Variants in RSPH10B2 observed in about 807,000 individuals in gnomAD.
The protein encoded by RSPH10B2 is radial spoke head 10 homolog B2.
RSPH10B2 carries 9 observed loss-of-function variants against 49.0 expected under a neutral mutation model. The ratio of observed to expected loss-of-function variants is 0.18; its 90% CI spans 0.11 to 0.32. The LOEUF is 0.32. Ranked by LOEUF, RSPH10B2 falls within the 10% of genes least tolerant of loss-of-function variation. The pLI, the probability that RSPH10B2 is intolerant of heterozygous loss-of-function variation, is 1.00. For missense variants in RSPH10B2, 95 were observed against 589.9 expected, an observed-to-expected ratio of 0.16 and a Z score of 8.69; for synonymous variants, 35 against 210.2, an observed-to-expected ratio of 0.17 and a Z score of 7.21.
At chr7:6,774,755 G>GTTTTTT (rs1359670506) in intron 9 of RSPH10B2, among the ~76,000 whole-genome samples, 1 of 122,086 alleles carries the variant, frequency 8.2e-6, no homozygotes. Context: ...CTTTTTTTTT[G>GTTTTTT]TTTTTTTTTT....
Position 6,793,063 on chromosome 7 carries a change from ATTTTTTTT to A in RSPH10B2, c.2233+1083_2233+1090del, listed in dbSNP as rs778318872. ...GGTGTGAGCCCACCCGCCCCTGGGC[ATTTTTTTT>A]TTTTTTTTTTTTTTTTAAAGAGGTG... is the stretch of plus-strand genomic sequence containing the variant. On this transcript the variant is annotated intron_variant, in intron 17 of 18. Coordinates refer to ENST00000297186, the Ensembl canonical transcript of RSPH10B2. Among the ~76,000 whole-genome samples, 10 of 64,832 alleles carry A rather than the reference ATTTTTTTT, an allele frequency of 1.5e-4. 1 individual carries two copies. Among genetic ancestry groups the A allele is most frequent in the Non-Finnish European group, 2.2e-4 (8 of 36,180 alleles). 42.5% of individuals were successfully genotyped at this position (64,832 alleles called of 152,430 possible).
chr7:6,786,349 A>ATTT (rs750188511), intron 14 of RSPH10B2, among the ~76,000 whole-genome samples: 5 of 105,162 alleles, frequency 4.8e-5, no homozygotes. Flanking sequence ...CGCCCGGCTA[A>ATTT]TTTTTTTTTT....
chr7:6,791,382 G>A (rs1180403810), intron 16 of RSPH10B2, among the ~76,000 whole-genome samples: 1 of 147,038 alleles, frequency 6.8e-6, no homozygotes, highest in Admixed American at 6.8e-5. Flanking sequence ...TTTTTTGAGA[G>A]GCTTTCAGTA....
Position 6,798,351 on chromosome 7 carries a change from G to C in RSPH10B2, c.2433-12G>C. ...ATAAAAAAAGCTACCACCTTCTCAT[G>C]TTTGCTTTTAGGCTGAACATCTTTA... On this transcript the variant is annotated splice_polypyrimidine_tract_variant and intron_variant, in intron 18 of 18. Coordinates refer to ENST00000297186, the Ensembl canonical transcript of RSPH10B2. 1.6e-6 allele frequency: 2 copies of C among 1,249,500 alleles called. 1 individual carries two copies. Among genetic ancestry groups the C allele is most frequent in the Non-Finnish European group, 2.1e-6 (2 of 974,656 alleles). The allele number at this position is 1,249,500 out of a possible 1,614,324, so 77.4% of individuals were successfully genotyped here.
intron 17 of RSPH10B2, among the ~76,000 whole-genome samples, chr7:6,795,806 G>A (rs370286676): frequency 1.4e-5 from 2 of 148,104 alleles, no homozygotes; most frequent in African/African-American, 5.0e-5. Context: ...GTGCATGCCT[G>A]TATTCTCAGC....
chr7:6,781,974 A>T (rs1781954501), intron 13 of RSPH10B2, among the ~76,000 whole-genome samples: 1 of 110,810 alleles, frequency 9.0e-6, no homozygotes, highest in Non-Finnish European at 1.8e-5. Context: ...AGTGCAATGA[A>T]GTGATCTTGG....
At chr7:6,756,110 T>A (rs1029609802), upstream of RSPH10B2, among the ~76,000 whole-genome samples, 10 of 149,166 alleles carry the variant, frequency 6.7e-5, no homozygotes, top group African/African-American at 1.0e-4. Flanking sequence ...CTACTAAAAA[T>A]ACAAAAAGAA....
intron 10 of RSPH10B2, among the ~76,000 whole-genome samples, chr7:6,776,855 T>C (rs1219692151): frequency 1.7e-4 from 17 of 102,666 alleles, no homozygotes; most frequent in African/African-American, 5.7e-4. Flanking sequence ...CCAGCCTGGG[T>C]GACAGGGCGA....
upstream of RSPH10B2, among the ~76,000 whole-genome samples, chr7:6,756,034 C>T (rs1314092724): frequency 1.3e-5 from 2 of 150,474 alleles, no homozygotes; most frequent in Admixed American, 6.6e-5. Flanking sequence ...CTTTGGAGGC[C>T]AAGGCGGGCA....
Position 6,768,717 on chromosome 7 carries a change from G to GT in RSPH10B2, c.909dup (p.Gly304TrpfsTer5). 3.1e-6 allele frequency: 1 copy of GT among 322,166 alleles called. No individual in the cohort carries two copies. The highest frequency in any genetic ancestry group is 5.2e-6 in the Non-Finnish European group (1 of 193,502). 20.0% of individuals were successfully genotyped at this position (322,166 alleles called of 1,614,324 possible). On this transcript the variant is annotated frameshift_variant, in exon 7 of 19. Coordinates refer to ENST00000297186, the Ensembl canonical transcript of RSPH10B2. LOFTEE classifies it high-confidence loss of function. ...GGACGTGGCAAGTTTTATTATGCCAGTGGAGCCATGTATGATGGAGAATGG... is the reference window on the plus strand; with the variant it reads ...GGACGTGGCAAGTTTTATTATGCCAGTTGGAGCCATGTATGATGGAGAATGG...
At chr7:6,764,708 TTGTGTGTG>T (rs372144067) in intron 4 of RSPH10B2, among the ~76,000 whole-genome samples, 3,436 of 147,420 alleles carry the variant, frequency 0.023, 44 homozygotes, top group Admixed American at 0.12. Flanking sequence ...GTTGTTGTTG[TTGTGTGTG>T]TGTGTGTGTG....
At chr7:6,756,069 C>T (rs1781063228), upstream of RSPH10B2, among the ~76,000 whole-genome samples, 3 of 150,704 alleles carry the variant, frequency 2.0e-5, no homozygotes, top group Non-Finnish European at 4.4e-5. Flanking sequence ...GAGATCGAGA[C>T]CATCCTGGCT....
intron 3 of RSPH10B2, among the ~76,000 whole-genome samples, chr7:6,760,876 C>CTTTTTT (rs1165641462): frequency 1.5e-5 from 1 of 65,492 alleles, no homozygotes; most frequent in Non-Finnish European, 2.9e-5. Context: ...TTTATTTTTA[C>CTTTTTT]TTTTTTTTTT....
chr7:6,793,831 G>A (rs1372736193), intron 17 of RSPH10B2, among the ~76,000 whole-genome samples: 1 of 147,084 alleles, frequency 6.8e-6, no homozygotes. Flanking sequence ...GTGACAGTGA[G>A]ACTCCATATC....
At chr7:6,756,064 C>A (rs371103790), upstream of RSPH10B2, among the ~76,000 whole-genome samples, 16 of 145,100 alleles carry the variant, frequency 1.1e-4, no homozygotes, top group African/African-American at 4.0e-4. Flanking sequence ...GTCAGGAGAT[C>A]GAGACCATCC....
At chr7:6,758,235 C>T (rs1248844195) in intron 1 of RSPH10B2, among the ~76,000 whole-genome samples, 4 of 149,696 alleles carry the variant, frequency 2.7e-5, no homozygotes, top group Non-Finnish European at 5.9e-5. Context: ...CTGCCTCAGC[C>T]TCCCAAAGTG....
chr7:6,780,208 A>C (rs1260941477), intron 11 of RSPH10B2, among the ~76,000 whole-genome samples: 3 of 115,078 alleles, frequency 2.6e-5, no homozygotes, highest in African/African-American at 9.4e-5. Flanking sequence ...GCCATGACAT[A>C]CTGGATCAAA....
intron 10 of RSPH10B2, among the ~76,000 whole-genome samples, chr7:6,776,875 A>ACACT (rs1781761390): frequency 1.1e-4 from 1 of 9,362 alleles, no homozygotes; most frequent in African/African-American, 2.5e-4. Flanking sequence ...AGACTCCATC[A>ACACT]CACACACACA....
intron 13 of RSPH10B2, among the ~76,000 whole-genome samples, chr7:6,781,873 T>A (rs1335286418): frequency 9.3e-5 from 10 of 108,012 alleles, no homozygotes; most frequent in African/African-American, 3.2e-4. Context: ...TTAAAAAATA[T>A]ATATATATAT....
Sources: allele counts gnomAD v4.1 joint callset (sites outside exome capture counted in the v4.1 genomes callset), GRCh38; gene constraint gnomAD v4.1.1; transcripts MANE v1.5; gene names NCBI Gene and HGNC (gene_info 2026-07-23, HGNC 2026-07-21).